Variants in EFHC2 observed in about 807,000 individuals in gnomAD.
EFHC2 encodes EF-hand domain containing 2.
A neutral mutation model predicts 52.7 loss-of-function variants in EFHC2; 18 were observed. That is an observed-to-expected ratio of 0.34 (90% CI 0.24 to 0.51). The LOEUF is 0.51. Among genes scored for constraint, EFHC2 ranks in the 20% least tolerant of loss-of-function variants. EFHC2 has a pLI of 0.97. For synonymous variants in EFHC2, 203 were observed against 204.1 expected (o/e 0.99, Z 0.04); for missense variants, 513 against 562.5 (o/e 0.91, Z 0.89).
intron 2 of EFHC2, among the ~76,000 whole-genome samples, chrX:44,280,492 T>C (rs1306241718): frequency 8.9e-6 from 1 of 112,016 alleles, no homozygotes. Context: ...ATAATGCCCC[T>C]ACTAGCATCA....
At chrX:44,283,472 G>T (rs1602196804) in intron 2 of EFHC2, among the ~76,000 whole-genome samples, 1 of 110,918 alleles carries the variant, frequency 9.0e-6, no homozygotes, top group South Asian at 3.8e-4. Flanking sequence ...GTAAGCCACG[G>T]CGCACGGCCG....
At chrX:44,229,590 T>C in intron 11 of EFHC2, 59 bp downstream of exon 11, 2 of 1,180,559 alleles carry the variant, frequency 1.7e-6, no homozygotes, top group Non-Finnish European at 2.3e-6. Context: ...AATAGTTCTC[T>C]CTGTTCTTTG....
intron 4 of EFHC2, among the ~76,000 whole-genome samples, chrX:44,258,726 A>G (rs995414593): frequency 3.6e-5 from 4 of 110,165 alleles, no homozygotes; most frequent in African/African-American, 1.3e-4. Flanking sequence ...GTGTGGTGGC[A>G]GGCCTCTGTA....
intron 2 of EFHC2, among the ~76,000 whole-genome samples, chrX:44,292,087 G>A (rs2037796066): frequency 9.0e-6 from 1 of 111,114 alleles, no homozygotes; most frequent in East Asian, 2.8e-4. Context: ...CATTCAATAT[G>A]AAAAATACAA....
In EFHC2 at chrX:44,163,318, C is replaced by T. The variant is rs780163042; in HGVS notation, c.2148+604G>A. 8.9e-5 allele frequency among the ~76,000 whole-genome samples: 10 copies of T among 111,759 alleles called. No individual in the cohort carries two copies. In the East Asian group the frequency reaches 2.3e-3, roughly 25 times the overall value. On this transcript the variant is annotated intron_variant, in intron 14 of 14. Coordinates refer to ENST00000420999, the MANE Select transcript of EFHC2 (RefSeq NM_025184.4). The stretch of plus-strand genomic sequence containing the variant: ...ATGTTAAAATACAAACAAACCACCA[C>T]CCACCCACCCACTTCTTAAAGACAA...
chrX:44,157,742 C>G lies in EFHC2; in HGVS notation c.2148+6180G>C, dbSNP rs752530851. ...GCCAGTCCCTGAGTGCTCCACCCCC[C>G]TCCCCGCCCCGCTTGGTTCCCTTAA... On this transcript the variant is annotated intron_variant, in intron 14 of 14. Coordinates refer to ENST00000420999, the MANE Select transcript of EFHC2 (RefSeq NM_025184.4). 1.5e-4 allele frequency among the ~76,000 whole-genome samples: 11 copies of G among 75,119 alleles called. No homozygotes were observed. The East Asian group carries it at 4.0e-3, about 27-fold the overall frequency. The allele number at this position is 75,119 out of a possible 115,157, so 65.2% of individuals were successfully genotyped here.
At chrX:44,178,129 TCACACACACA>T (rs201977577) in intron 12 of EFHC2, among the ~76,000 whole-genome samples, 1,176 of 83,940 alleles carry the variant, frequency 0.014, 22 homozygotes, top group African/African-American at 0.053. Flanking sequence ...AGATGCCATA[TCACACACACA>T]CACACACACA....
At chrX:44,299,597 T>C (rs1390939761) in intron 2 of EFHC2, among the ~76,000 whole-genome samples, 1 of 111,833 alleles carries the variant, frequency 8.9e-6, no homozygotes, top group African/African-American at 3.3e-5. Flanking sequence ...ATATATTGAT[T>C]GATGTATTAT....
At chrX:44,280,915 A>C (rs748358033) in intron 2 of EFHC2, among the ~76,000 whole-genome samples, 1 of 110,951 alleles carries the variant, frequency 9.0e-6, no homozygotes, top group Non-Finnish European at 1.9e-5. Flanking sequence ...TTCTGGAGGG[A>C]CTTAGAATTA....
chrX:44,254,116 T>C (rs1434769789), intron 4 of EFHC2, among the ~76,000 whole-genome samples: 1 of 110,839 alleles, frequency 9.0e-6, no homozygotes, highest in Non-Finnish European at 1.9e-5. Flanking sequence ...CATCCGAAGG[T>C]CAACAACATC....
intron 11 of EFHC2, among the ~76,000 whole-genome samples, chrX:44,184,462 C>T (rs1258252548): frequency 1.8e-5 from 2 of 111,798 alleles, no homozygotes. Flanking sequence ...GTGGCTCACA[C>T]TTGTAATCCC....
At chrX:44,211,498 A>G (rs2037095193) in intron 11 of EFHC2, among the ~76,000 whole-genome samples, 1 of 111,357 alleles carries the variant, frequency 9.0e-6, no homozygotes, top group Non-Finnish European at 1.9e-5. Flanking sequence ...ATTGCACTCC[A>G]GCCTGGGCGA....
At chrX:44,255,678 G>C (rs1295602012) in intron 4 of EFHC2, among the ~76,000 whole-genome samples, 1 of 111,215 alleles carries the variant, frequency 9.0e-6, no homozygotes, top group African/African-American at 3.3e-5. Flanking sequence ...AATAATGAAA[G>C]ACTTTAACAC....
intron 4 of EFHC2, among the ~76,000 whole-genome samples, chrX:44,259,598 C>T (rs1414848892): frequency 8.9e-6 from 1 of 112,023 alleles, no homozygotes; most frequent in African/African-American, 3.2e-5. Context: ...TCCCACAGTG[C>T]TCTGCGCATT....
intron 1 of EFHC2, among the ~76,000 whole-genome samples, chrX:44,322,716 T>A (rs1313815528): frequency 8.9e-6 from 1 of 112,057 alleles, no homozygotes; most frequent in South Asian, 3.7e-4. Flanking sequence ...TGTTAGCATT[T>A]ATTATTTTGT....
intron 11 of EFHC2, among the ~76,000 whole-genome samples, chrX:44,221,404 A>T (rs951861849): frequency 9.0e-6 from 1 of 111,722 alleles, no homozygotes; most frequent in Admixed American, 9.5e-5. Context: ...TTCTTTCTCT[A>T]CTGATTTGAA....
chrX:44,151,035 A>C (rs779028438), intron 14 of EFHC2, among the ~76,000 whole-genome samples: 2 of 110,417 alleles, frequency 1.8e-5, no homozygotes, highest in Non-Finnish European at 3.8e-5. Context: ...CAGAGATTAG[A>C]GGTTTGCAGC....
intron 4 of EFHC2, among the ~76,000 whole-genome samples, chrX:44,256,438 A>C (rs979589592): frequency 8.9e-6 from 1 of 112,053 alleles, no homozygotes; most frequent in Non-Finnish European, 1.9e-5. Flanking sequence ...AATGGACACA[A>C]TAAAAAACGA....
chrX:44,244,833 T>C (rs1436688001), intron 7 of EFHC2, among the ~76,000 whole-genome samples: 1 of 111,939 alleles, frequency 8.9e-6, no homozygotes, highest in East Asian at 2.8e-4. Flanking sequence ...GAATGTCAAA[T>C]TACTAAGACA....
Sources: gnomAD v4.1 joint callset for allele counts (sites outside exome capture counted in the v4.1 genomes callset) on GRCh38, gnomAD v4.1.1 for gene constraint, MANE v1.5 for transcripts, NCBI Gene and HGNC (gene_info 2026-07-23, HGNC 2026-07-21) for gene names.